Variants in DORIP1 observed in about 807,000 individuals in gnomAD.
DORIP1 encodes dopamine receptor-interacting protein 1.
the DORIP1 span, chr14:44,905,328 T>A: frequency 2.2e-5 from 29 of 1,290,782 alleles, no homozygotes; most frequent in Non-Finnish European, 2.9e-5. Context: ...CTTAACAAAG[T>A]ATTAAATTTT....
At chr14:44,903,700 A>G in the DORIP1 span, 1 of 971,184 alleles carries the variant, frequency 1.0e-6, no homozygotes, top group African/African-American at 1.8e-5. Context: ...TTCTGTGACT[A>G]CATTATTGTA....
the DORIP1 span, chr14:44,904,656 T>C: frequency 2.9e-6 from 3 of 1,020,314 alleles, no homozygotes; most frequent in East Asian, 5.6e-5. Flanking sequence ...AATTTATGTA[T>C]TCTGAATAGA....
the DORIP1 span, chr14:44,900,384 A>G: frequency 1.5e-6 from 2 of 1,370,410 alleles, no homozygotes; most frequent in Admixed American, 2.7e-5. Context: ...TATGCATTTA[A>G]TATACAAAGT....
the DORIP1 span, chr14:44,903,686 A>G: frequency 1.0e-6 from 1 of 981,442 alleles, no homozygotes; most frequent in Non-Finnish European, 1.2e-6. Context: ...AATCTCTTAA[A>G]ATTTTCTGTG....
At chr14:44,900,841 C>T in the DORIP1 span, 1 of 1,614,018 alleles carries the variant, frequency 6.2e-7, no homozygotes, top group Non-Finnish European at 8.5e-7. Context: ...TGGGAATGAG[C>T]ATGATAATTT....
chr14:44,899,824 A>ATTTTTTTTT, the DORIP1 span, among the ~76,000 whole-genome samples: 3 of 115,274 alleles, frequency 2.6e-5, no homozygotes, highest in Admixed American at 9.3e-5. Context: ...TCATTTAGGA[A>ATTTTTTTTT]TTTTTTTTTT....
chr14:44,905,677 C>T, the DORIP1 span: 1 of 597,738 alleles, frequency 1.7e-6, no homozygotes, highest in South Asian at 5.3e-5. Context: ...AGTGTATTTT[C>T]AGTGTTTAAC....
chr14:44,906,712 GT>G, the DORIP1 span: 12 of 152,602 alleles, frequency 7.9e-5, no homozygotes, highest in South Asian at 2.5e-3. Context: ...TTCACTTCAG[GT>G]TTGGGATTGA....
At chr14:44,905,987 C>G in the DORIP1 span, 1 of 148,908 alleles carries the variant, frequency 6.7e-6, no homozygotes, top group African/African-American at 2.5e-5. Context: ...TTTCTTTGCC[C>G]TACCTCACTA....
chr14:44,904,102 A>G, the DORIP1 span: 4 of 985,352 alleles, frequency 4.1e-6, no homozygotes, highest in Non-Finnish European at 4.8e-6. Flanking sequence ...GTGAAATATA[A>G]AAGCGTTTGT....
At chr14:44,904,733 A>T in the DORIP1 span, 1 of 452,294 alleles carries the variant, frequency 2.2e-6, no homozygotes. Flanking sequence ...TGGACTACAG[A>T]ATAGACAGAA....
chr14:44,898,697 C>T, the DORIP1 span, among the ~76,000 whole-genome samples: 1 of 152,158 alleles, frequency 6.6e-6, no homozygotes, highest in African/African-American at 2.4e-5. Flanking sequence ...ACACCCTCTT[C>T]TTCCTAAGTG....
the DORIP1 span, chr14:44,900,825 T>C: frequency 6.2e-7 from 1 of 1,614,102 alleles, no homozygotes; most frequent in Admixed American, 1.7e-5. Context: ...TAATAATTGA[T>C]TTGTTTGGGA....
At chr14:44,900,302 T>C in the DORIP1 span, 1 of 762,284 alleles carries the variant, frequency 1.3e-6, no homozygotes. Context: ...TAAATTTTTT[T>C]GCTATGTTGG....
chr14:44,900,351 GATTTA>G, the DORIP1 span: 1 of 1,229,138 alleles, frequency 8.1e-7, no homozygotes, highest in Non-Finnish European at 1.1e-6. Context: ...TCTTTAGATG[GATTTA>G]TTTTCGTTTA....
At chr14:44,897,926 T>A in the DORIP1 span, among the ~76,000 whole-genome samples, 3 of 152,206 alleles carry the variant, frequency 2.0e-5, no homozygotes, top group Admixed American at 2.0e-4. Context: ...AGGGGACTTT[T>A]AGAATCCCTG....
chr14:44,906,479 T>G, the DORIP1 span: 2 of 152,426 alleles, frequency 1.3e-5, no homozygotes, highest in Admixed American at 1.3e-4. Flanking sequence ...ATACTTAAAA[T>G]TTTGAGTGAT....
chr14:44,897,911 T>C, the DORIP1 span, among the ~76,000 whole-genome samples: 5 of 152,260 alleles, frequency 3.3e-5, no homozygotes, highest in East Asian at 9.7e-4. Context: ...AGGCGCTGAT[T>C]TGAGAGGGGA....
chr14:44,897,565 G>T, the DORIP1 span: 1 of 175,326 alleles, frequency 5.7e-6, no homozygotes, highest in Non-Finnish European at 1.2e-5. Flanking sequence ...CGGTCCCCAG[G>T]GAGGTACGAG....
Sources: allele counts gnomAD v4.1 joint callset (sites outside exome capture counted in the v4.1 genomes callset), GRCh38; gene constraint gnomAD v4.1.1; transcripts MANE v1.5; gene names NCBI Gene and HGNC (gene_info 2026-07-23, HGNC 2026-07-21).